The following PM20D2 variants were observed in gnomAD, a reference collection of about 807,000 sequenced individuals.
PM20D2 encodes peptidase M20 domain containing 2.
Under a neutral mutation model 42.9 loss-of-function variants are expected in PM20D2, and 33 were observed. The observed-to-expected ratio is 0.77, with a 90% CI of 0.58 to 1.03. The LOEUF is 1.03. PM20D2 is among the 50% of genes least tolerant of loss of function. The pLI is 0.00. For synonymous variants in PM20D2, 250 were observed against 228.2 expected (o/e 1.10, Z -0.86); for missense variants, 548 against 557.0 (o/e 0.98, Z 0.16).
chr6:89,118,066 C>T, the PM20D2 span: 1 of 274,784 alleles, frequency 3.6e-6, no homozygotes. Context: ...AGCGCGGCGC[C>T]AGCCTGGACG....
At chr6:89,146,631 G>GGACCCTATCCGACTGCCC in intron 1 of PM20D2, 22 bp downstream of exon 1, 1 of 1,394,520 alleles carries the variant, frequency 7.2e-7, no homozygotes, top group Non-Finnish European at 9.2e-7. Context: ...CCCGGGTGCG[G>GGACCCTATCCGACTGCCC]GACCCTATCC....
chr6:89,107,239 C>G, the PM20D2 span: 1 of 1,614,018 alleles, frequency 6.2e-7, no homozygotes, highest in East Asian at 2.2e-5. Context: ...CGACCAAACT[C>G]ACGGCGCAAG....
chr6:89,156,691 G>A (rs1330873250), intron 4 of PM20D2, among the ~76,000 whole-genome samples: 1 of 152,182 alleles, frequency 6.6e-6, no homozygotes, highest in Non-Finnish European at 1.5e-5. Context: ...GAAGACTGTA[G>A]ACCTGAACTG....
rs747415964 is a variant in PM20D2, at chr6:89,154,858, G to A, written c.868G>A (p.Ala290Thr). The change falls in exon 4 of 7, where the codon GCA (alanine) becomes ACA (threonine). Residue 290 changes from alanine (A) to threonine (T), a missense_variant. Ala to Thr is a moderately conservative substitution (Grantham distance 58). Coordinates refer to ENST00000275072, the MANE Select transcript of PM20D2 (RefSeq NM_001010853.3). ...MKELQVLTKK[A>T]EDCFRAAALA... is the part of the protein sequence containing the mutation. ...AGAACTTCAAGTTTTGACCAAAAAG[G>A]CAGAAGATTGCTTCAGAGCTGCAGC... 15 of 1,607,954 alleles carry A rather than the reference G, an allele frequency of 9.3e-6. No individual in the cohort carries two copies. The highest frequency in any genetic ancestry group is 1.3e-5 in the Non-Finnish European group (15 of 1,177,820).
the PM20D2 span, among the ~76,000 whole-genome samples, chr6:89,135,916 A>G: frequency 1.3e-5 from 2 of 151,132 alleles, no homozygotes; most frequent in Non-Finnish European, 2.9e-5. Context: ...CCCCTTCACT[A>G]TCCATATACT....
the PM20D2 span, among the ~76,000 whole-genome samples, chr6:89,094,684 A>G: frequency 2.0e-5 from 3 of 152,132 alleles, no homozygotes; most frequent in Admixed American, 1.3e-4. Context: ...ATCCACATTT[A>G]GTACTAGGAA....
At chr6:89,153,662 A>G (rs1043334025) in intron 3 of PM20D2, among the ~76,000 whole-genome samples, 2 of 152,054 alleles carry the variant, frequency 1.3e-5, no homozygotes, top group South Asian at 4.1e-4. Flanking sequence ...CAGTGGTGCA[A>G]TCTCGGCTCA....
At chr6:89,105,067 T>A in the PM20D2 span, 5 of 1,519,532 alleles carry the variant, frequency 3.3e-6, no homozygotes, top group South Asian at 1.3e-5. Context: ...AAAATATATA[T>A]CTATTTCCCA....
chr6:89,118,044 C>T, the PM20D2 span: 2 of 537,028 alleles, frequency 3.7e-6, no homozygotes, highest in Non-Finnish European at 5.5e-6. Flanking sequence ...GAGGCCGGCG[C>T]AGAGGGGGCG....
chr6:89,161,155 G>A (rs1376394913), intron 5 of PM20D2, among the ~76,000 whole-genome samples: 3 of 152,164 alleles, frequency 2.0e-5, no homozygotes, highest in Non-Finnish European at 4.4e-5. Context: ...AGGTGGAGTG[G>A]AGGTAGAAGA....
At chr6:89,113,172 C>T in the PM20D2 span, among the ~76,000 whole-genome samples, 21 of 152,028 alleles carry the variant, frequency 1.4e-4, no homozygotes, top group South Asian at 4.1e-3. Flanking sequence ...AACATTTTAT[C>T]CCAATGATTT....
chr6:89,118,011 A>T, the PM20D2 span: 1 of 1,001,274 alleles, frequency 1.0e-6, no homozygotes, highest in Non-Finnish European at 1.4e-6. Context: ...CCTCGGCCTC[A>T]GCCCCGCCAG....
At chr6:89,143,057 C>A (rs1770393095), upstream of PM20D2, among the ~76,000 whole-genome samples, 1 of 152,182 alleles carries the variant, frequency 6.6e-6, no homozygotes. Context: ...TAATTTTCTT[C>A]ATTTTATTTT....
At chr6:89,136,612 A>G in the PM20D2 span, among the ~76,000 whole-genome samples, 2 of 150,818 alleles carry the variant, frequency 1.3e-5, no homozygotes, top group Non-Finnish European at 2.9e-5. Flanking sequence ...TGGGAGGCGG[A>G]GCTTGCAGTG....
chr6:89,147,845 A>C (rs1038604674), intron 1 of PM20D2, among the ~76,000 whole-genome samples: 1 of 151,218 alleles, frequency 6.6e-6, no homozygotes, highest in Non-Finnish European at 1.5e-5. Flanking sequence ...GTGAGCCGAC[A>C]TCGCGCCACT....
chr6:89,108,151 C>A, the PM20D2 span, among the ~76,000 whole-genome samples: 2 of 152,206 alleles, frequency 1.3e-5, no homozygotes, highest in Admixed American at 6.5e-5. Flanking sequence ...CCTTCTAGTG[C>A]GATTAGGTGC....
chr6:89,118,322 G>A, the PM20D2 span, among the ~76,000 whole-genome samples: 1 of 152,154 alleles, frequency 6.6e-6, no homozygotes, highest in Non-Finnish European at 1.5e-5. Context: ...GGCTGCGGCT[G>A]GGCGGAGGTG....
the PM20D2 span, chr6:89,104,998 G>T: frequency 1.0e-6 from 1 of 973,068 alleles, no homozygotes; most frequent in Non-Finnish European, 1.4e-6. Flanking sequence ...CAAGTCTACA[G>T]TGGGCCATGA....
chr6:89,137,953 A>G, the PM20D2 span, among the ~76,000 whole-genome samples: 1 of 152,038 alleles, frequency 6.6e-6, no homozygotes, highest in Non-Finnish European at 1.5e-5. Flanking sequence ...CACATTTTCA[A>G]TATAATTTTG....
Sources: gnomAD v4.1 joint callset for allele counts (sites outside exome capture counted in the v4.1 genomes callset) on GRCh38, gnomAD v4.1.1 for gene constraint, MANE v1.5 for transcripts, NCBI Gene and HGNC (gene_info 2026-07-23, HGNC 2026-07-21) for gene names.